Variants in CMPK2 observed in about 807,000 individuals in gnomAD.
The protein encoded by CMPK2 is UMP-CMP kinase 2, mitochondrial.
CMPK2 carries 32 observed loss-of-function variants against 33.4 expected under a neutral mutation model. The observed-to-expected ratio is 0.96, with a 90% CI of 0.72 to 1.29. CMPK2 has a LOEUF of 1.29. CMPK2 is among the 50% of genes most tolerant of loss of function. CMPK2 has a pLI of 0.00. For missense variants in CMPK2, 672 were observed against 616.0 expected (o/e 1.09, Z -0.96); for synonymous variants, 299 against 275.3 (o/e 1.09, Z -0.85).
chr2:6,865,826 A>G lies in CMPK2; in HGVS notation c.-130T>C. ...GAAACGAAAGCGAAGCGTTGCGGGG[A>G]AACGAAAGCCGGAGGCCCAGGCGGG... On this transcript the variant is annotated 5_prime_UTR_variant, in exon 1 of 5. Coordinates refer to ENST00000256722, the MANE Select transcript of CMPK2 (RefSeq NM_207315.4). The G allele has an allele frequency of 7.9e-7, 1 of 1,270,404 alleles. No homozygotes were observed. Among genetic ancestry groups the G allele is most frequent in the Non-Finnish European group, 9.9e-7 (1 of 1,007,212 alleles). 78.7% of individuals were successfully genotyped at this position (1,270,404 alleles called of 1,614,324 possible).
downstream of CMPK2, among the ~76,000 whole-genome samples, chr2:6,845,984 C>G (rs1260547884): frequency 6.6e-6 from 1 of 151,862 alleles, no homozygotes; most frequent in African/African-American, 2.4e-5. Context: ...GTTTGGTCTA[C>G]AAATAGGACA....
intron 1 of CMPK2, among the ~76,000 whole-genome samples, chr2:6,864,766 G>A (rs1443796621): frequency 2.0e-5 from 3 of 152,144 alleles, no homozygotes; most frequent in Admixed American, 6.5e-5. Flanking sequence ...CTGTACTGCT[G>A]TTGGGATGCT....
chr2:6,865,194 G>C lies in CMPK2; in HGVS notation c.503C>G (p.Pro168Arg), dbSNP rs755814499. The C allele has an allele frequency of 1.3e-6, 2 of 1,532,448 alleles. No individual in the cohort carries two copies. Among genetic ancestry groups the C allele is most frequent in the South Asian group, 1.2e-5 (1 of 83,232 alleles). The allele number at this position is 1,532,448 out of a possible 1,614,324, so 94.9% of individuals were successfully genotyped here. ...GAGGCGCTGCCACAGCTGGCCGCGC[G>C]GGTCGGCCTCGAACTCGCCCAAGTG... The part of the protein sequence containing the change: ...RPHLGEFEAD[P>R]RGQLWQRLWE... The change falls in exon 1 of 5, where the codon CCG becomes CGG. Residue 168 changes from proline to arginine, a missense_variant. Transcript: ENST00000256722.
downstream of CMPK2, among the ~76,000 whole-genome samples, chr2:6,847,857 T>C (rs1179725355): frequency 1.3e-5 from 2 of 152,176 alleles, no homozygotes; most frequent in Non-Finnish European, 2.9e-5. Context: ...CTAGGAATTA[T>C]TGGCACCCAT....
intron 3 of CMPK2, among the ~76,000 whole-genome samples, chr2:6,854,460 T>G (rs1203146852): frequency 6.6e-6 from 1 of 152,214 alleles, no homozygotes; most frequent in Non-Finnish European, 1.5e-5. Flanking sequence ...AACAAATAAC[T>G]GCTCTTTTCT....
In CMPK2 at chr2:6,865,057, G is replaced by A. The variant is rs1663017338; in HGVS notation, c.640C>T (p.Pro214Ser). ...VPDLPSSVVF[P>S]DREAARAVLE... ...ACGGCCCGGGCGGCTTCCCGGTCCGGGAAGACCACGGAACTGGGCAAGTCT... is the reference window on the plus strand; with the variant it reads ...ACGGCCCGGGCGGCTTCCCGGTCCGAGAAGACCACGGAACTGGGCAAGTCT... The change falls in exon 1 of 5, where the codon CCG becomes TCG. Residue 214 changes from proline to serine, a missense_variant. Pro to Ser is a moderately conservative substitution (Grantham distance 74). Transcript: ENST00000256722. The A allele has an allele frequency of 1.4e-6, 2 of 1,438,756 alleles. No homozygotes were observed. The highest frequency in any genetic ancestry group is 1.5e-5 in the African/African-American group (1 of 66,800). The allele number at this position is 1,438,756 out of a possible 1,614,324, so 89.1% of individuals were successfully genotyped here. A position where few individuals can be genotyped will look rare whatever the true frequency, so the allele number is the denominator to read the frequency against.
At chr2:6,848,110 A>G (rs770107055), downstream of CMPK2, among the ~76,000 whole-genome samples, 6 of 152,226 alleles carry the variant, frequency 3.9e-5, no homozygotes, top group Non-Finnish European at 7.3e-5. Context: ...TGTCTTTAAT[A>G]TTTGTAATGA....
rs762163307 is a variant in CMPK2 at position 6,863,534 on chromosome 2, G to A, written c.720C>T (p.Val240=). The part of the protein sequence containing the change: ...IPEARAVLDL[V]DQCPKQIQKG... ...TCTGGATCTGTTTTGGGCACTGGTC[G>A]ACCAGGTCAAGCACTGCCCGGGCTT... The change falls in exon 2 of 5, where the codon GTC becomes GTT. Residue 240 remains valine, a synonymous_variant. Transcript: ENST00000256722. 3.8e-5 allele frequency: 62 copies of A among 1,613,952 alleles called. No homozygotes were observed. The highest frequency in any genetic ancestry group is 1.3e-4 in the Admixed American group (8 of 59,990).
rs886654378 is a variant in CMPK2, at chr2:6,865,425, G to T, written c.272C>A (p.Ala91Glu). 6 of 1,304,148 alleles carry T rather than the reference G, an allele frequency of 4.6e-6. No individual in the cohort carries two copies. Among genetic ancestry groups the T allele is most frequent in the East Asian group, 3.2e-5 (1 of 31,698 alleles). The allele number at this position is 1,304,148 out of a possible 1,614,324, so 80.8% of individuals were successfully genotyped here. A position where few individuals can be genotyped will look rare whatever the true frequency, so the allele number is the denominator to read the frequency against. ...CAGCAGGCGCTGGTGCAGCCGCGCC[G>T]CCCGGACCCGGGCCCCGCAGCCGGC... ...PDAGCGARVR[A>E]ARLHQRLLHQ... The change falls in exon 1 of 5, where the codon GCG becomes GAG. Residue 91 changes from alanine to glutamate, a missense_variant. Transcript: ENST00000256722.
rs1662449666 is a variant in CMPK2, at chr2:6,849,509, G to A, written c.*341C>T. The A allele has an allele frequency of 3.8e-6, 4 of 1,046,134 alleles. No homozygotes were observed. In the African/African-American group the frequency reaches 5.2e-5, roughly 13 times the overall value. The allele number at this position is 1,046,134 out of a possible 1,614,324, so 64.8% of individuals were successfully genotyped here. A position where few individuals can be genotyped will look rare whatever the true frequency, so the allele number is the denominator to read the frequency against. On this transcript the variant is annotated 3_prime_UTR_variant, in exon 5 of 5. Coordinates refer to ENST00000256722, the MANE Select transcript of CMPK2 (RefSeq NM_207315.4). Reference sequence around the variant, plus strand: ...CCTGCTGATCTGGAAGATCTTGTCTGCTGCTTCTGTACACCTGGTGCTGTC... The same window carrying A: ...CCTGCTGATCTGGAAGATCTTGTCTACTGCTTCTGTACACCTGGTGCTGTC...
chr2:6,858,576 A>T (rs2103224736), intron 3 of CMPK2, among the ~76,000 whole-genome samples: 1 of 152,066 alleles, frequency 6.6e-6, no homozygotes, highest in Middle Eastern at 3.4e-3. Flanking sequence ...TGCTGTTCTC[A>T]TGATAGTGAC....
At chr2:6,840,657 T>C (rs2103211255) in exon 4 of CMPK2, 1 of 702,190 alleles carries the variant, frequency 1.4e-6, no homozygotes, top group Non-Finnish European at 2.6e-6. Flanking sequence ...AAGGATGGTA[T>C]AAGGTTCCTC....
Position 6,865,762 on chromosome 2 carries a change from G to A in CMPK2, c.-66C>T. 1 of 1,265,400 alleles carries A rather than the reference G, an allele frequency of 7.9e-7. No homozygotes were observed. The highest frequency in any genetic ancestry group is 9.9e-7 in the Non-Finnish European group (1 of 1,005,796). 78.4% of individuals were successfully genotyped at this position (1,265,400 alleles called of 1,614,324 possible). Reference sequence around the variant, plus strand: ...CGAAACCTGGCGGGAGCCAGGCGCCGGCGGGAAACGAAACCCGGAGGGAGC... The same window carrying A: ...CGAAACCTGGCGGGAGCCAGGCGCCAGCGGGAAACGAAACCCGGAGGGAGC... On this transcript the variant is annotated 5_prime_UTR_variant, in exon 1 of 5. Coordinates refer to ENST00000256722, the MANE Select transcript of CMPK2 (RefSeq NM_207315.4).
At position 6,863,471 on chromosome 2, in the gene CMPK2, A is replaced by G. The variant is rs775133091; in HGVS notation, c.783T>C (p.Asp261=). The stretch of plus-strand genomic sequence containing the variant: ...AAGGTAATATTATCTTACCCGTGGC[A>G]TCCAGTCCTTCGATGGCAACAACCT... The part of the protein sequence containing the change: ...KFQVVAIEGL[D]ATGKTTVTQS... The change falls in exon 2 of 5, where the codon GAT becomes GAC. Residue 261 remains aspartate (D), a synonymous_variant. Transcript: ENST00000256722. 3.6e-5 allele frequency: 58 copies of G among 1,613,480 alleles called. No individual in the cohort carries two copies. Among genetic ancestry groups the G allele is most frequent in the Admixed American group, 1.0e-4 (6 of 60,012 alleles).
intron 3 of CMPK2, among the ~76,000 whole-genome samples, chr2:6,859,107 C>T (rs558146131): frequency 5.5e-4 from 83 of 152,160 alleles, no homozygotes; most frequent in Non-Finnish European, 1.1e-3. Flanking sequence ...TTAGCCCTTG[C>T]CCTAGAGATT....
chr2:6,847,807 G>C (rs1572132269), downstream of CMPK2, among the ~76,000 whole-genome samples: 3 of 152,286 alleles, frequency 2.0e-5, no homozygotes, highest in East Asian at 5.8e-4. Context: ...AAACTAGCCA[G>C]TCGCCCACCT....
At chr2:6,859,350 C>A (rs1369520521) in intron 3 of CMPK2, among the ~76,000 whole-genome samples, 1 of 152,160 alleles carries the variant, frequency 6.6e-6, no homozygotes. Context: ...CAATGAGAAG[C>A]CAAATGTTAA....
downstream of CMPK2, among the ~76,000 whole-genome samples, chr2:6,844,251 G>A (rs1662301400): frequency 6.6e-6 from 1 of 152,084 alleles, no homozygotes; most frequent in Non-Finnish European, 1.5e-5. Flanking sequence ...GCTTCCTCCT[G>A]GACTCTATTG....
intron 2 of CMPK2, among the ~76,000 whole-genome samples, chr2:6,862,740 C>T (rs1662920012): frequency 1.3e-5 from 2 of 152,206 alleles, no homozygotes. Flanking sequence ...TGCCACATCT[C>T]CCTAGCTGGG....
Sources: allele counts gnomAD v4.1 joint callset (sites outside exome capture counted in the v4.1 genomes callset), GRCh38; gene constraint gnomAD v4.1.1; transcripts MANE v1.5; gene names NCBI Gene and HGNC (gene_info 2026-07-23, HGNC 2026-07-21).